PCNX2: variants seen among roughly 807,000 people sequenced by gnomAD.
PCNX2 encodes pecanex 2, also known as pecanex-like protein 2.
A neutral mutation model predicts 223.8 loss-of-function variants in PCNX2; 168 were observed. The ratio of observed to expected loss-of-function variants is 0.75; its 90% CI spans 0.66 to 0.85. PCNX2 has a LOEUF of 0.85. Among genes scored for constraint, PCNX2 ranks in the 40% least tolerant of loss-of-function variants. PCNX2 has a pLI of 0.00. For missense variants in PCNX2, 2,507 were observed against 2,675.5 expected (o/e 0.94, Z 1.39); for synonymous variants, 1,006 against 1,052.6 (o/e 0.96, Z 0.86).
At chr1:233,056,678 TGAG>T (rs1002599146) in intron 24 of PCNX2, among the ~76,000 whole-genome samples, 10 of 151,878 alleles carry the variant, frequency 6.6e-5, no homozygotes, top group African/African-American at 1.9e-4. Flanking sequence ...AAGAAGGGAG[TGAG>T]GAGGACAAAA....
chr1:233,106,584 C>T (rs1674797463), intron 21 of PCNX2, among the ~76,000 whole-genome samples: 2 of 151,916 alleles, frequency 1.3e-5, no homozygotes, highest in South Asian at 4.1e-4. Flanking sequence ...GATCTCCTTA[C>T]CTCGTGATCC....
chr1:233,308,788 A>G, the PCNX2 span, among the ~76,000 whole-genome samples: 2 of 152,314 alleles, frequency 1.3e-5, no homozygotes, highest in South Asian at 2.1e-4. Context: ...GAAGCTGCAT[A>G]AAACAAAATA....
chr1:233,319,184 C>T, the PCNX2 span, among the ~76,000 whole-genome samples: 1 of 152,162 alleles, frequency 6.6e-6, no homozygotes, highest in African/African-American at 2.4e-5. Context: ...TTAATGCCCA[C>T]CATCTCCACT....
At chr1:233,032,684 T>C (rs903513269) in intron 25 of PCNX2, among the ~76,000 whole-genome samples, 3 of 151,980 alleles carry the variant, frequency 2.0e-5, no homozygotes, top group African/African-American at 7.3e-5. Flanking sequence ...TCTGTGTATG[T>C]GAGAAGATGG....
At position 232,998,428 on chromosome 1, in the gene PCNX2, C is replaced by T; in HGVS notation, c.5614G>A (p.Asp1872Asn). Reference protein sequence around the residue: ...FWTKWVRMRKDCNARQHSGGN... With the variant: ...FWTKWVRMRKNCNARQHSGGN... The stretch of plus-strand genomic sequence containing the variant: ...CCACTGTGCTGGCGGGCATTGCAAT[C>T]CTTCCGCATCCTGTGGGAGGGAGAA... Residue 1872 changes from aspartate (D) to asparagine (N), a missense_variant, in exon 32 of 34, where the codon GAT becomes AAT. Around this residue, in one of 3 missense-constraint regions of PCNX2, gnomAD observed 1,372 missense variants for 1,509.4 expected, o/e 0.91. Transcript: ENST00000258229. The T allele has an allele frequency of 6.2e-7, 1 of 1,611,788 alleles. No homozygotes were observed. The highest frequency in any genetic ancestry group is 8.5e-7 in the Non-Finnish European group (1 of 1,179,340).
At chr1:233,003,759 C>A (rs966146586) in intron 28 of PCNX2, among the ~76,000 whole-genome samples, 8 of 152,164 alleles carry the variant, frequency 5.3e-5, no homozygotes, top group African/African-American at 1.9e-4. Flanking sequence ...ACCCAAATGC[C>A]CATCAATGAT....
chr1:233,217,858 G>C (rs373780429), intron 12 of PCNX2, 41 bp downstream of exon 12: 2 of 1,612,708 alleles, frequency 1.2e-6, no homozygotes, highest in Admixed American at 3.3e-5. Context: ...CTTCAACACA[G>C]ACAGACAAGA....
Position 233,025,397 on chromosome 1 carries a change from T to A in PCNX2, c.4354A>T (p.Thr1452Ser). ...FQLRGLEFRG[T>S]YCQQREVEAI... ...TCTACCTCCCTCTGCTGGCAGTAGG[T>A]TCCTGGCCGAGCACAAACATGAAGG... The change falls in exon 26 of 34, where the codon ACC becomes TCC. Residue 1452 changes from threonine (T) to serine (S), a missense_variant and splice_region_variant. Physicochemically the swap from Thr to Ser is moderately conservative, Grantham distance 58 (BLOSUM62 1). Coordinates refer to ENST00000258229, the MANE Select transcript of PCNX2 (RefSeq NM_014801.4). 6.2e-7 allele frequency: 1 copy of A among 1,613,478 alleles called. No homozygotes were observed. The highest frequency in any genetic ancestry group is 8.5e-7 in the Non-Finnish European group (1 of 1,179,540).
At chr1:233,010,875 C>G (rs1383758267) in intron 28 of PCNX2, among the ~76,000 whole-genome samples, 1 of 152,140 alleles carries the variant, frequency 6.6e-6, no homozygotes, top group Admixed American at 6.6e-5. Flanking sequence ...ATTTTTCTTT[C>G]TTCAGGACTA....
chr1:233,001,512 AT>A lies in PCNX2; in HGVS notation c.5097+24del, dbSNP rs1670085937. On this transcript the variant is annotated intron_variant, in intron 29 of 33. Coordinates refer to ENST00000258229, the MANE Select transcript of PCNX2 (RefSeq NM_014801.4). The surrounding 1 kb of genome is among the most constrained non-coding windows in gnomAD (Gnocchi z 4.2). ...AATAAATAAATAAATAAATAAATAA[AT>A]AAATAAATAAAATAGGTTTTTACCT... 8 of 1,230,544 alleles carry A rather than the reference AT, an allele frequency of 6.5e-6. No individual in the cohort carries two copies. The East Asian group carries it at 2.1e-4, about 32-fold the overall frequency. The allele number at this position is 1,230,544 out of a possible 1,614,324, so 76.2% of individuals were successfully genotyped here. A position where few individuals can be genotyped will look rare whatever the true frequency, so the allele number is the denominator to read the frequency against.
chr1:233,175,231 T>G (rs1278513445), intron 17 of PCNX2, among the ~76,000 whole-genome samples: 1 of 152,174 alleles, frequency 6.6e-6, no homozygotes, highest in African/African-American at 2.4e-5. Flanking sequence ...GAATGTGATA[T>G]TCCCATTAAA....
chr1:233,127,462 T>G (rs1676171508), intron 21 of PCNX2, among the ~76,000 whole-genome samples: 1 of 152,154 alleles, frequency 6.6e-6, no homozygotes, highest in African/African-American at 2.4e-5. Context: ...AGCACTGTAT[T>G]TGGTTCTCTC....
At chr1:233,140,329 A>T (rs1346824598) in intron 19 of PCNX2, among the ~76,000 whole-genome samples, 2 of 152,190 alleles carry the variant, frequency 1.3e-5, no homozygotes, top group Non-Finnish European at 2.9e-5. Flanking sequence ...ATATATGCAA[A>T]TAAGACACAG....
At chr1:233,039,672 G>A (rs12065515) in intron 25 of PCNX2, among the ~76,000 whole-genome samples, 15,843 of 152,078 alleles carry the variant, frequency 0.1, 1,237 homozygotes, top group African/African-American at 0.22. Flanking sequence ...ATTTTTCATC[G>A]TCTGCAGTAA....
rs1659858974 is a variant in PCNX2 at position 233,258,503 on chromosome 1, C to A, written c.1359G>T (p.Arg453Ser). The change falls in exon 5 of 34, where the codon AGG becomes AGT. Residue 453 changes from arginine to serine, a missense_variant. Around this residue, in one of 3 missense-constraint regions of PCNX2, gnomAD observed 1,031 missense variants for 1,021.7 expected, o/e 1.01. Coordinates refer to ENST00000258229, the MANE Select transcript of PCNX2 (RefSeq NM_014801.4). Reference protein sequence around the residue: ...VPCPEGNGSERTPERLKTRVS... With the variant: ...VPCPEGNGSESTPERLKTRVS... Reference sequence around the variant, plus strand: ...CCCTCGTCTTCAGTCTCTCTGGAGTCCTTTCACTTCCATTGCCTTCGGGAC... The same window carrying A: ...CCCTCGTCTTCAGTCTCTCTGGAGTACTTTCACTTCCATTGCCTTCGGGAC... 1 of 1,613,902 alleles carries A rather than the reference C, an allele frequency of 6.2e-7. No homozygotes were observed. The highest frequency in any genetic ancestry group is 1.1e-5 in the South Asian group (1 of 91,090).
intron 21 of PCNX2, among the ~76,000 whole-genome samples, chr1:233,107,952 C>A (rs189104334): frequency 6.6e-6 from 1 of 152,290 alleles, no homozygotes; most frequent in Non-Finnish European, 1.5e-5. Context: ...CCACCAAAAC[C>A]AAGATGGCGA....
chr1:233,147,197 G>A (rs1677506988), intron 19 of PCNX2, among the ~76,000 whole-genome samples: 1 of 152,118 alleles, frequency 6.6e-6, no homozygotes, highest in African/African-American at 2.4e-5. Flanking sequence ...TCAAAAGTGC[G>A]AATTTAACGT....
chr1:233,066,017 A>C (rs1672590055), intron 23 of PCNX2, among the ~76,000 whole-genome samples: 1 of 152,104 alleles, frequency 6.6e-6, no homozygotes, highest in Admixed American at 6.5e-5. Context: ...ACCAATCAGC[A>C]TGCACTCCCC....
chr1:233,085,540 A>G (rs1246857911), intron 23 of PCNX2, among the ~76,000 whole-genome samples: 4 of 152,176 alleles, frequency 2.6e-5, no homozygotes, highest in Non-Finnish European at 5.9e-5. Flanking sequence ...CTTGAATCTT[A>G]CCATATATCT....
Sources: gnomAD v4.1 joint callset for allele counts (sites outside exome capture counted in the v4.1 genomes callset) on GRCh38, gnomAD v4.1.1 for gene constraint, gnomAD v4.1.1 regional missense constraint, Gnocchi (gnomAD v3.1) non-coding constraint, MANE v1.5 for transcripts, NCBI Gene and HGNC (gene_info 2026-07-23, HGNC 2026-07-21) for gene names.